Variants in AUTS2 observed in about 807,000 individuals in gnomAD.
The protein encoded by AUTS2 is autism susceptibility gene 2 protein.
A neutral mutation model predicts 112.4 loss-of-function variants in AUTS2; 17 were observed. That is an observed-to-expected ratio of 0.15 (90% CI 0.10 to 0.23). The LOEUF (loss-of-function observed/expected upper bound fraction) is 0.23, where lower values mean the gene tolerates loss of function less well. Ranked by LOEUF, AUTS2 falls within the 10% of genes least tolerant of loss-of-function variation. The pLI, the probability that AUTS2 is intolerant of heterozygous loss-of-function variation, is 1.00. For missense variants in AUTS2, 1,510 were observed against 1,701.6 expected, an observed-to-expected ratio of 0.89 and a Z score of 1.98; for synonymous variants, 751 against 702.7, an observed-to-expected ratio of 1.07 and a Z score of -1.09.
chr7:70,414,842 A>T (rs1324601021), intron 4 of AUTS2, among the ~76,000 whole-genome samples: 1 of 152,074 alleles, frequency 6.6e-6, no homozygotes, highest in Admixed American at 6.5e-5. Flanking sequence ...CACGAGTTAC[A>T]GTTTGTCTTT....
At chr7:70,644,445 C>CG (rs1263307786) in intron 5 of AUTS2, among the ~76,000 whole-genome samples, 3 of 152,110 alleles carry the variant, frequency 2.0e-5, no homozygotes, top group Non-Finnish European at 2.9e-5. Context: ...ACTTCCCTCG[C>CG]GGGGTCAACA....
At chr7:69,928,408 T>A (rs1796105281) in intron 2 of AUTS2, among the ~76,000 whole-genome samples, 2 of 152,194 alleles carry the variant, frequency 1.3e-5, no homozygotes, top group Non-Finnish European at 2.9e-5. Context: ...CCTTGGGACC[T>A]GTCTGCCTCC....
intron 1 of AUTS2, among the ~76,000 whole-genome samples, chr7:69,691,003 A>G (rs1314847531): frequency 6.6e-6 from 1 of 152,200 alleles, no homozygotes; most frequent in Non-Finnish European, 1.5e-5. Flanking sequence ...GAGGAGACCC[A>G]TAGTGGGTAA....
intron 2 of AUTS2, among the ~76,000 whole-genome samples, chr7:70,058,515 A>G (rs770758586): frequency 5.3e-5 from 8 of 152,220 alleles, no homozygotes; most frequent in Non-Finnish European, 1.2e-4. Flanking sequence ...AAAGGAGCTT[A>G]AAAAATTCTT....
chr7:70,565,446 A>C (rs1801668736), intron 5 of AUTS2, among the ~76,000 whole-genome samples: 1 of 152,192 alleles, frequency 6.6e-6, no homozygotes, highest in Non-Finnish European at 1.5e-5. Flanking sequence ...TGGGAGGCCA[A>C]GGTGAGAGGA....
intron 1 of AUTS2, among the ~76,000 whole-genome samples, chr7:69,875,614 AGATGGCC>A (rs1439248938): frequency 6.6e-6 from 1 of 152,220 alleles, no homozygotes; most frequent in Non-Finnish European, 1.5e-5. Context: ...GTAGCTTGAT[AGATGGCC>A]TATGGTTCAT....
intron 2 of AUTS2, among the ~76,000 whole-genome samples, chr7:70,082,239 A>T (rs953380614): frequency 6.6e-6 from 1 of 152,198 alleles, no homozygotes; most frequent in East Asian, 1.9e-4. Flanking sequence ...TTGATTTGCT[A>T]AAACCTGGTA....
At chr7:70,052,700 T>TATAG (rs1801811475) in intron 2 of AUTS2, among the ~76,000 whole-genome samples, 1 of 152,192 alleles carries the variant, frequency 6.6e-6, no homozygotes, top group African/African-American at 2.4e-5. Flanking sequence ...TCTGAGAAGC[T>TATAG]TATACTATAC....
chr7:70,376,565 G>C (rs1021389928), intron 4 of AUTS2, among the ~76,000 whole-genome samples: 1 of 151,740 alleles, frequency 6.6e-6, no homozygotes, highest in Admixed American at 6.6e-5. Flanking sequence ...TCTTACTGCT[G>C]CTTGCTTTGT....
intron 6 of AUTS2, among the ~76,000 whole-genome samples, chr7:70,734,333 G>A (rs951351489): frequency 3.9e-5 from 6 of 152,008 alleles, no homozygotes; most frequent in African/African-American, 7.2e-5. Flanking sequence ...CCAGCTACTC[G>A]GGGGGCTGAG....
At chr7:70,768,091 A>C in intron 10 of AUTS2, 23 bp downstream of exon 10, 1 of 1,588,636 alleles carries the variant, frequency 6.3e-7, no homozygotes, top group Non-Finnish European at 8.5e-7. Context: ...ACCATGCTAC[A>C]CATTGAATGT....
intron 6 of AUTS2, among the ~76,000 whole-genome samples, chr7:70,704,815 C>G (rs1809651378): frequency 6.6e-6 from 1 of 152,208 alleles, no homozygotes; most frequent in African/African-American, 2.4e-5. Flanking sequence ...GTTGTTTTCT[C>G]TGAATATGTA....
At chr7:70,228,943 G>C (rs1811909432) in intron 4 of AUTS2, among the ~76,000 whole-genome samples, 1 of 151,694 alleles carries the variant, frequency 6.6e-6, no homozygotes, top group South Asian at 2.1e-4. Flanking sequence ...TTTTAAATGT[G>C]GAATTGATTT....
At chr7:69,973,635 T>A (rs1024581178) in intron 2 of AUTS2, among the ~76,000 whole-genome samples, 2 of 152,276 alleles carry the variant, frequency 1.3e-5, no homozygotes, top group South Asian at 2.1e-4. Context: ...AGATTTTTTT[T>A]ATCATGAATG....
At chr7:69,808,560 A>G (rs1200915947) in intron 1 of AUTS2, among the ~76,000 whole-genome samples, 1 of 152,136 alleles carries the variant, frequency 6.6e-6, no homozygotes, top group Non-Finnish European at 1.5e-5. Context: ...TAAATCATAT[A>G]CTAGGTAATA....
At chr7:70,023,427 C>T (rs1002018183) in intron 2 of AUTS2, among the ~76,000 whole-genome samples, 3 of 151,980 alleles carry the variant, frequency 2.0e-5, no homozygotes, top group Non-Finnish European at 2.9e-5. Context: ...TTGTGCTGAG[C>T]GGATGGTATA....
chr7:70,211,229 A>G (rs1810867190), intron 4 of AUTS2, among the ~76,000 whole-genome samples: 2 of 152,130 alleles, frequency 1.3e-5, no homozygotes, highest in Admixed American at 1.3e-4. Flanking sequence ...TCCCCTTATA[A>G]ACAGACATAT....
intron 4 of AUTS2, among the ~76,000 whole-genome samples, chr7:70,366,269 A>G (rs1230558059): frequency 6.6e-6 from 1 of 152,226 alleles, no homozygotes; most frequent in Non-Finnish European, 1.5e-5. Flanking sequence ...ATTATAAGTT[A>G]TATAATACAA....
At chr7:70,722,302 C>T (rs1786738486) in intron 6 of AUTS2, among the ~76,000 whole-genome samples, 1 of 152,098 alleles carries the variant, frequency 6.6e-6, no homozygotes, top group Admixed American at 6.6e-5. Context: ...TGTGTTCACA[C>T]TGCTTTATGA....
Sources: gnomAD v4.1 joint callset for allele counts (sites outside exome capture counted in the v4.1 genomes callset) on GRCh38, gnomAD v4.1.1 for gene constraint, MANE v1.5 for transcripts, NCBI Gene and HGNC (gene_info 2026-07-23, HGNC 2026-07-21) for gene names.